Variants in ADAM18 observed in about 807,000 individuals in gnomAD.
ADAM18 encodes the protein disintegrin and metalloproteinase domain-containing protein 18.
Under a neutral mutation model 94.4 loss-of-function variants are expected in ADAM18, and 117 were observed. The ratio of observed to expected loss-of-function variants is 1.24; its 90% CI spans 1.07 to 1.45. ADAM18 has a LOEUF of 1.45. Among genes scored for constraint, ADAM18 ranks in the 40% most tolerant of loss-of-function variants. The pLI, the probability that ADAM18 is intolerant of heterozygous loss-of-function variation, is 0.00. For missense variants in ADAM18, 936 were observed against 880.0 expected (o/e 1.06, Z -0.81); for synonymous variants, 327 against 291.6 (o/e 1.12, Z -1.24).
intron 2 of ADAM18, among the ~76,000 whole-genome samples, chr8:39,586,755 A>ACTAT (rs35604090): frequency 0.089 from 13,152 of 147,418 alleles, 596 homozygotes; most frequent in Non-Finnish European, 0.1. Context: ...CAAACAAAAA[A>ACTAT]CTATCTATCT....
At chr8:39,641,931 T>G (rs1820250534) in intron 10 of ADAM18, among the ~76,000 whole-genome samples, 1 of 152,158 alleles carries the variant, frequency 6.6e-6, no homozygotes, top group Non-Finnish European at 1.5e-5. Flanking sequence ...TGTTATTTTT[T>G]GACTTTTTAG....
Position 39,610,675 on chromosome 8 carries a change from A to T in ADAM18, c.491A>T (p.Asp164Val). The T allele has an allele frequency of 6.2e-7, 1 of 1,613,406 alleles. No homozygotes were observed. The part of the protein sequence containing the change: ...AVNYSHIWQK[D>V]QPYKVPLNSQ... ...AATTACAGTCATATTTGGCAGAAAG[A>T]CCAGCCCTACAAAGTTCCTTTAAAC... The change falls in exon 6 of 20, where the codon GAC becomes GTC. Residue 164 changes from aspartate to valine, a missense_variant. Transcript: ENST00000265707.
chr8:39,629,770 T>C (rs1036346339), intron 7 of ADAM18, among the ~76,000 whole-genome samples: 16 of 151,884 alleles, frequency 1.1e-4, no homozygotes, highest in Admixed American at 5.3e-4. Context: ...AATACAATTT[T>C]CTTAATATTT....
At chr8:39,607,813 G>GT (rs61175960) in intron 3 of ADAM18, among the ~76,000 whole-genome samples, 48 of 142,384 alleles carry the variant, frequency 3.4e-4, no homozygotes, top group Admixed American at 1.1e-3. Flanking sequence ...CTGCATTCTG[G>GT]TTTTTTTTTT....
In ADAM18 at chr8:39,618,379, A is replaced by T. The variant is rs141004259; in HGVS notation, c.522+7673A>T. The stretch of plus-strand genomic sequence containing the variant: ...TTTAGGGTCATTTGATTGTGAGGTG[A>T]GATGGTCACATGGGGATGAACTAAT... On this transcript the variant is annotated intron_variant, in intron 6 of 19. Transcript: ENST00000265707. Among the ~76,000 whole-genome samples the T allele has an allele frequency of 1.6e-3, 244 of 152,318 alleles. 1 individual carries two copies. Among genetic ancestry groups the T allele is most frequent in the African/African-American group, 5.4e-3 (226 of 41,576 alleles).
chr8:39,648,577 A>G (rs1272365354), intron 12 of ADAM18, 50 bp downstream of exon 12: 1 of 1,499,276 alleles, frequency 6.7e-7, no homozygotes, highest in Non-Finnish European at 9.0e-7. Flanking sequence ...TTTCTGATAA[A>G]ACATAAGACA....
intron 18 of ADAM18, 30 bp from the exon 19 acceptor site, chr8:39,723,718 C>T (rs984690563): frequency 7.2e-7 from 1 of 1,394,044 alleles, no homozygotes; most frequent in African/African-American, 1.5e-5. Context: ...CACTGAGTCC[C>T]CACTAATTTA....
intron 16 of ADAM18, among the ~76,000 whole-genome samples, chr8:39,683,107 G>A (rs963534555): frequency 2.0e-5 from 3 of 152,150 alleles, no homozygotes; most frequent in Admixed American, 6.6e-5. Flanking sequence ...AGTATTTTCC[G>A]TTTTGTTCTC....
In ADAM18 at chr8:39,718,718, C is replaced by T. The variant is rs1822653463; in HGVS notation, c.2018-5030C>T. On this transcript the variant is annotated intron_variant, in intron 18 of 19. Transcript: ENST00000265707. The stretch of plus-strand genomic sequence containing the variant: ...TCGTTAGGTAGGTGCTCTTCCTACA[C>T]AAAAGAAAATAAAAAATTTCACAAA... 2.0e-5 allele frequency among the ~76,000 whole-genome samples: 3 copies of T among 150,806 alleles called. No individual in the cohort carries two copies. In the South Asian group the frequency reaches 6.3e-4, roughly 31 times the overall value.
intron 12 of ADAM18, among the ~76,000 whole-genome samples, chr8:39,660,873 G>A (rs1168698559): frequency 6.6e-6 from 1 of 152,084 alleles, no homozygotes; most frequent in Non-Finnish European, 1.5e-5. Context: ...CAGAGTTAAC[G>A]TACCAGCCCT....
chr8:39,706,298 A>G (rs1009491554), intron 17 of ADAM18, among the ~76,000 whole-genome samples: 4 of 152,138 alleles, frequency 2.6e-5, no homozygotes, highest in Non-Finnish European at 4.4e-5. Context: ...AATAAAATGC[A>G]CATTATTGAC....
At chr8:39,667,872 A>T in intron 13 of ADAM18, 126 bp from the exon 14 acceptor site, 1 of 933,888 alleles carries the variant, frequency 1.1e-6, no homozygotes, top group Non-Finnish European at 1.6e-6. Context: ...AAACTCACGG[A>T]CTTGGGAACT....
chr8:39,686,844 C>T (rs1821618470), intron 16 of ADAM18, among the ~76,000 whole-genome samples: 1 of 152,186 alleles, frequency 6.6e-6, no homozygotes, highest in African/African-American at 2.4e-5. Context: ...TTGCACATCA[C>T]TTGCAGTGTA....
chr8:39,656,733 C>T (rs2129579865), intron 12 of ADAM18, among the ~76,000 whole-genome samples: 1 of 152,150 alleles, frequency 6.6e-6, no homozygotes, highest in East Asian at 1.9e-4. Context: ...AAGAAAATGA[C>T]AGACTTTCAG....
chr8:39,629,313 T>C (rs1342371076), intron 6 of ADAM18, 61 bp from the exon 7 acceptor site: 3 of 1,321,064 alleles, frequency 2.3e-6, no homozygotes, highest in Admixed American at 2.2e-5. Flanking sequence ...ACATGTCATC[T>C]TTTTCTCTTA....
At chr8:39,636,732 T>C (rs1820083905) in intron 7 of ADAM18, among the ~76,000 whole-genome samples, 1 of 151,928 alleles carries the variant, frequency 6.6e-6, no homozygotes, top group Non-Finnish European at 1.5e-5. Context: ...CTAGACTTAC[T>C]TATTCTACAT....
intron 12 of ADAM18, among the ~76,000 whole-genome samples, chr8:39,657,968 G>C (rs1442410354): frequency 6.6e-6 from 1 of 152,086 alleles, no homozygotes; most frequent in Non-Finnish European, 1.5e-5. Context: ...TATTAAATGA[G>C]AATTATATTG....
intron 16 of ADAM18, 67 bp from the exon 17 acceptor site, chr8:39,692,533 C>G: frequency 1.1e-6 from 1 of 933,432 alleles, no homozygotes; most frequent in Non-Finnish European, 1.6e-6. Context: ...ATATAGAAAT[C>G]ATTAATGTTT....
chr8:39,626,134 A>C, intron 6 of ADAM18, among the ~76,000 whole-genome samples: 1 of 152,128 alleles, frequency 6.6e-6, no homozygotes, highest in East Asian at 1.9e-4. Flanking sequence ...ATCTTGATTC[A>C]AGCTAGTAGG....
Sources: gnomAD v4.1 joint callset for allele counts (sites outside exome capture counted in the v4.1 genomes callset) on GRCh38, gnomAD v4.1.1 for gene constraint, MANE v1.5 for transcripts, NCBI Gene and HGNC (gene_info 2026-07-23, HGNC 2026-07-21) for gene names.